The following IGF2R variants were observed in gnomAD, a reference collection of about 807,000 sequenced individuals.
IGF2R encodes cation-independent mannose-6-phosphate receptor.
A neutral mutation model predicts 270.6 loss-of-function variants in IGF2R; 91 were observed. The ratio of observed to expected loss-of-function variants is 0.34; its 90% CI spans 0.28 to 0.40. The LOEUF is 0.40. Among genes scored for constraint, IGF2R ranks in the 10% least tolerant of loss-of-function variants. The pLI, the probability that IGF2R is intolerant of heterozygous loss-of-function variation, is 1.00. For synonymous variants in IGF2R, 1,316 were observed against 1,258.9 expected, an observed-to-expected ratio of 1.05 and a Z score of -0.96; for missense variants, 2,805 against 3,188.3, an observed-to-expected ratio of 0.88 and a Z score of 2.90.
Position 159,986,441 on chromosome 6 carries a change from T to G in IGF2R, c.150-4743T>G, listed in dbSNP as rs1375761183. Among the ~76,000 whole-genome samples, 1,228 of 149,554 alleles carry G rather than the reference T, an allele frequency of 8.2e-3. 8 individuals are homozygous for G. Among genetic ancestry groups the G allele is most frequent in the African/African-American group, 0.012 (496 of 39,934 alleles). Reference sequence around the variant, plus strand: ...GTGTGTGTGTGTGTGTTTTTTTTTTTTTTTTAAGTAGATTCAGGGTTTCAC... The same window carrying G: ...GTGTGTGTGTGTGTGTTTTTTTTTTGTTTTTAAGTAGATTCAGGGTTTCAC... On this transcript the variant is annotated intron_variant, in intron 1 of 47. Transcript: ENST00000356956.
At position 159,969,415 on chromosome 6, in the gene IGF2R, G is replaced by A. The variant is rs1783573165; in HGVS notation, c.149+20G>A. 1.7e-6 allele frequency: 2 copies of A among 1,206,950 alleles called. No individual in the cohort carries two copies. The allele number at this position is 1,206,950 out of a possible 1,614,324, so 74.8% of individuals were successfully genotyped here. The stretch of plus-strand genomic sequence containing the variant: ...GTGCAGGTGGGTGGCCCGCCCGGAC[G>A]CAGGCTCCGCTCGCGGTGCCCGGGG... On this transcript the variant is annotated intron_variant, in intron 1 of 47. Transcript: ENST00000356956.
intron 45 of IGF2R, among the ~76,000 whole-genome samples, chr6:160,101,207 T>C (rs908648700): frequency 6.6e-6 from 1 of 152,220 alleles, no homozygotes; most frequent in Non-Finnish European, 1.5e-5. Flanking sequence ...AACTCACTTC[T>C]GAATAATCTA....
chr6:160,103,995 T>C (rs1465272157), intron 47 of IGF2R, among the ~76,000 whole-genome samples, 180 bp downstream of exon 47: 1 of 152,094 alleles, frequency 6.6e-6, no homozygotes, highest in Admixed American at 6.5e-5. Flanking sequence ...GTTATTTTTT[T>C]CCCTCAAGTT....
chr6:160,097,486 T>C (rs1249522276), intron 45 of IGF2R, among the ~76,000 whole-genome samples: 3 of 152,162 alleles, frequency 2.0e-5, no homozygotes, highest in Non-Finnish European at 4.4e-5. Flanking sequence ...TGTGTCATTA[T>C]GCCCTGCTAA....
intron 44 of IGF2R, chr6:160,095,436 G>T (rs1021580414): frequency 1.3e-5 from 2 of 152,282 alleles, no homozygotes; most frequent in African/African-American, 4.8e-5. Flanking sequence ...AATATTTAAA[G>T]ATTGTTCTCT....
rs199950272 is a variant in IGF2R at position 159,991,305 on chromosome 6, C to T, written c.271C>T (p.Arg91Cys). ...SAVCMHDLKT[R>C]TYHSVGDSVL... Reference sequence around the variant, plus strand: ...TGTTTGTATGCACGACTTGAAGACACGCACTTATCATTCAGTGGGTAAGTA... The same window carrying T: ...TGTTTGTATGCACGACTTGAAGACATGCACTTATCATTCAGTGGGTAAGTA... Residue 91 changes from arginine to cysteine, a missense_variant, in exon 2 of 48, where the codon CGC becomes TGC. Arg to Cys is a radical substitution (Grantham distance 180). Coordinates refer to ENST00000356956, the MANE Select transcript of IGF2R (RefSeq NM_000876.4). 17 of 1,611,326 alleles carry T rather than the reference C, an allele frequency of 1.1e-5. No individual in the cohort carries two copies. Among genetic ancestry groups the T allele is most frequent in the East Asian group, 2.2e-5 (1 of 44,842 alleles).
Position 160,054,814 on chromosome 6 carries a change from TG to T in IGF2R, c.2695-1608del, listed in dbSNP as rs762955105. Among the ~76,000 whole-genome samples, 7 of 152,296 alleles carry T rather than the reference TG, an allele frequency of 4.6e-5. No individual in the cohort carries two copies. In the South Asian group the frequency reaches 1.5e-3, roughly 32 times the overall value. On this transcript the variant is annotated intron_variant, in intron 19 of 47. Transcript: ENST00000356956. ...CAAATGGTTAGGAGAGTGGAGAGAC[TG>T]GAAGCCATGTTCATTATCAACTAAA...
In IGF2R at chr6:160,102,678, G is replaced by C; in HGVS notation, c.6995+7G>C. The C allele has an allele frequency of 6.3e-7, 1 of 1,589,200 alleles. No individual in the cohort carries two copies. Among genetic ancestry groups the C allele is most frequent in the South Asian group, 1.1e-5 (1 of 89,232 alleles). ...TCTACAAGAAGGAGAGGAGGTAAGC[G>C]GGTGGCAGGGCGAGGTGGGGCGGGT... On this transcript the variant is annotated splice_region_variant and intron_variant, in intron 46 of 47. Transcript: ENST00000356956. The surrounding 1 kb of genome is among the most constrained non-coding windows in gnomAD (Gnocchi z 4.5).
chr6:160,047,049 C>A, intron 15 of IGF2R, 110 bp from the exon 16 acceptor site: 1 of 982,008 alleles, frequency 1.0e-6, no homozygotes, highest in South Asian at 1.4e-5. Flanking sequence ...CAGCCCGGGC[C>A]TGGTTCTGGT....
intron 4 of IGF2R, among the ~76,000 whole-genome samples, chr6:160,012,985 G>T (rs1039827779): frequency 2.0e-5 from 3 of 151,854 alleles, no homozygotes; most frequent in Admixed American, 1.3e-4. Flanking sequence ...TCCTGTGGGA[G>T]GTGGAGGCTG....
At position 160,073,343 on chromosome 6, in the gene IGF2R, G is replaced by C; in HGVS notation, c.4821G>C (p.Lys1607Asn). The change falls in exon 34 of 48, where the codon AAG becomes AAC. Residue 1607 changes from lysine to asparagine, a missense_variant. Physicochemically the swap from Lys to Asn is moderately conservative, Grantham distance 94 (BLOSUM62 0). Around this residue, in one of 2 missense-constraint regions of IGF2R, gnomAD observed 1,851 missense variants for 2,207.2 expected, o/e 0.84. Coordinates refer to ENST00000356956, the MANE Select transcript of IGF2R (RefSeq NM_000876.4). ...CCTCCAAATCCGGCCTGAGCTATAAGAGTGTGATCAGTTTCGTGTGCAGGC... is the reference window on the plus strand; with the variant it reads ...CCTCCAAATCCGGCCTGAGCTATAACAGTGTGATCAGTTTCGTGTGCAGGC... The part of the protein sequence containing the change: ...PCPSKSGLSY[K>N]SVISFVCRPE... 1 of 1,614,286 alleles carries C rather than the reference G, an allele frequency of 6.2e-7. No individual in the cohort carries two copies.
intron 4 of IGF2R, among the ~76,000 whole-genome samples, chr6:160,024,312 C>G (rs1048074949): frequency 6.6e-6 from 1 of 152,040 alleles, no homozygotes; most frequent in African/African-American, 2.4e-5. Context: ...GGAAACGATC[C>G]AGTGGAGAGG....
At chr6:159,996,938 T>G (rs1177056909) in intron 2 of IGF2R, among the ~76,000 whole-genome samples, 2 of 152,158 alleles carry the variant, frequency 1.3e-5, no homozygotes, top group African/African-American at 4.8e-5. Flanking sequence ...AGCCACAGAA[T>G]GGCCACTGTC....
Position 160,034,537 on chromosome 6 carries a change from G to T in IGF2R, c.1315+15G>T. 4.6e-6 allele frequency: 7 copies of T among 1,526,012 alleles called. No homozygotes were observed. The highest frequency in any genetic ancestry group is 5.5e-6 in the Non-Finnish European group (6 of 1,100,078). The allele number at this position is 1,526,012 out of a possible 1,614,324, so 94.5% of individuals were successfully genotyped here. On this transcript the variant is annotated intron_variant, in intron 10 of 47. Coordinates refer to ENST00000356956, the MANE Select transcript of IGF2R (RefSeq NM_000876.4). ...TAAAACCGCAGGTAAGTGTGCGCTG[G>T]AGTTCAGCCCCTCCTCTTTGCATTC...
rs780793172 is a variant in IGF2R at position 160,102,525 on chromosome 6, C to T, written c.6849C>T (p.Gly2283=). 6.2e-7 allele frequency: 1 copy of T among 1,611,942 alleles called. No individual in the cohort carries two copies. The highest frequency in any genetic ancestry group is 8.5e-7 in the Non-Finnish European group (1 of 1,179,582). The change falls in exon 46 of 48, where the codon GGC becomes GGT. Residue 2283 remains glycine (G), a synonymous_variant. Transcript: ENST00000356956. The surrounding 1 kb of genome is among the most constrained non-coding windows in gnomAD (Gnocchi z 4.5). ...TTCTGTGACGTCCTTGCAGGGTGGG[C>T]TTTGACAGCGAGAATCCCGGGGACG... ...YTSAVCPLGV[G]FDSENPGDDG...
At chr6:160,020,933 A>C (rs1387322894) in intron 4 of IGF2R, among the ~76,000 whole-genome samples, 1 of 152,246 alleles carries the variant, frequency 6.6e-6, no homozygotes, top group East Asian at 1.9e-4. Flanking sequence ...TGCAACAAAA[A>C]TAAAAATAGA....
At chr6:160,096,247 T>C in intron 44 of IGF2R, 192 bp from the exon 45 acceptor site, 1 of 490,618 alleles carries the variant, frequency 2.0e-6, no homozygotes, top group South Asian at 4.0e-5. Context: ...GCATGCTGAC[T>C]AAGGGCAGGG....
intron 2 of IGF2R, chr6:160,005,551 G>C (rs182471731): frequency 6.6e-6 from 1 of 152,256 alleles, no homozygotes; most frequent in Non-Finnish European, 1.5e-5. Context: ...CTCCCTTCCC[G>C]CTTCCAGGGC....
At chr6:160,029,891 A>AG (rs1194028348) in intron 7 of IGF2R, among the ~76,000 whole-genome samples, 1 of 152,150 alleles carries the variant, frequency 6.6e-6, no homozygotes, top group African/African-American at 2.4e-5. Flanking sequence ...AGCAATCCGG[A>AG]GGGGCCTCCA....
Sources: gnomAD v4.1 joint callset for allele counts (sites outside exome capture counted in the v4.1 genomes callset) on GRCh38, gnomAD v4.1.1 for gene constraint, gnomAD v4.1.1 regional missense constraint, Gnocchi (gnomAD v3.1) non-coding constraint, MANE v1.5 for transcripts, NCBI Gene and HGNC (gene_info 2026-07-23, HGNC 2026-07-21) for gene names.